The following C1orf21 variants were observed in gnomAD, a reference collection of about 807,000 sequenced individuals.
C1orf21 encodes uncharacterized protein C1orf21.
In C1orf21, 3 loss-of-function variants were observed where a neutral mutation model predicts 18.7. The ratio of observed to expected loss-of-function variants is 0.16; its 90% CI spans 0.07 to 0.42. The LOEUF (loss-of-function observed/expected upper bound fraction) is 0.42. C1orf21 is among the 10% of genes least tolerant of loss of function. The pLI, the probability that C1orf21 is intolerant of heterozygous loss-of-function variation, is 0.99. For missense variants in C1orf21, 104 were observed against 143.6 expected (o/e 0.72, Z 1.41); for synonymous variants, 41 against 46.4 (o/e 0.88, Z 0.47).
intron 1 of C1orf21, among the ~76,000 whole-genome samples, chr1:184,454,499 A>G (rs917035664): frequency 3.3e-5 from 5 of 152,146 alleles, no homozygotes; most frequent in Non-Finnish European, 7.4e-5. Context: ...TGTCCCCACC[A>G]AATCTCATGT....
rs1367462205 is a variant in C1orf21 at position 184,594,792 on chromosome 1, C to T, written c.267-3609C>T. 2.6e-5 allele frequency among the ~76,000 whole-genome samples: 4 copies of T among 152,318 alleles called. No homozygotes were observed. The East Asian group carries it at 7.7e-4, about 29-fold the overall frequency. ...TAAGCATATTTTAGGATGGCTTATTCTGCCAGGCTTCACAGGTGAGGTATT... is the reference window on the plus strand; with the variant it reads ...TAAGCATATTTTAGGATGGCTTATTTTGCCAGGCTTCACAGGTGAGGTATT... On this transcript the variant is annotated intron_variant, in intron 4 of 5. Coordinates refer to ENST00000235307, the MANE Select transcript of C1orf21 (RefSeq NM_030806.4).
intron 1 of C1orf21, among the ~76,000 whole-genome samples, chr1:184,414,897 G>T (rs1656424171): frequency 2.0e-5 from 3 of 152,154 alleles, no homozygotes; most frequent in South Asian, 2.1e-4. Context: ...TTACTTTTGT[G>T]TGGGGGGAAA....
intron 3 of C1orf21, among the ~76,000 whole-genome samples, chr1:184,550,275 AT>A (rs1558000558): frequency 6.6e-6 from 1 of 152,232 alleles, no homozygotes; most frequent in Admixed American, 6.5e-5. Context: ...GTTATTGTCT[AT>A]TTTTGAAAAC....
chr1:184,476,868 T>A (rs1420355020), intron 1 of C1orf21, among the ~76,000 whole-genome samples: 2 of 152,112 alleles, frequency 1.3e-5, no homozygotes, highest in South Asian at 2.1e-4. Context: ...CAGAAATGTA[T>A]AAAGTAGCCC....
At chr1:184,455,173 T>C (rs1289684602) in intron 1 of C1orf21, among the ~76,000 whole-genome samples, 3 of 152,168 alleles carry the variant, frequency 2.0e-5, no homozygotes, top group African/African-American at 7.2e-5. Context: ...CACGTTGCAG[T>C]GCTGTTTTGC....
chr1:184,618,014 A>G (rs535003590), intron 5 of C1orf21, among the ~76,000 whole-genome samples: 1 of 146,524 alleles, frequency 6.8e-6, no homozygotes, highest in East Asian at 2.1e-4. Context: ...GGTTCAAGCG[A>G]TTCTCCTGCC....
At chr1:184,512,844 G>A (rs1055881982) in intron 3 of C1orf21, among the ~76,000 whole-genome samples, 5 of 151,632 alleles carry the variant, frequency 3.3e-5, no homozygotes, top group Non-Finnish European at 7.4e-5. Context: ...CAGGCCACAC[G>A]GCAGGAGGTG....
chr1:184,584,611 C>A (rs1659328150), intron 3 of C1orf21, among the ~76,000 whole-genome samples: 1 of 152,222 alleles, frequency 6.6e-6, no homozygotes, highest in Non-Finnish European at 1.5e-5. Flanking sequence ...AAAAAGACTT[C>A]TATCTGAATG....
intron 3 of C1orf21, among the ~76,000 whole-genome samples, chr1:184,546,661 T>A (rs1658731830): frequency 6.6e-6 from 1 of 152,118 alleles, no homozygotes; most frequent in Admixed American, 6.5e-5. Flanking sequence ...AGCAGGGAGA[T>A]TTATAGGGTC....
At chr1:184,529,984 A>G (rs1248015081) in intron 3 of C1orf21, among the ~76,000 whole-genome samples, 1 of 152,162 alleles carries the variant, frequency 6.6e-6, no homozygotes. Context: ...ACTCTTTACC[A>G]TATCTTACTT....
At position 184,613,300 on chromosome 1, in the gene C1orf21, C is replaced by T. The variant is rs796607339; in HGVS notation, c.328-6218C>T. ...TAGTATATGTAGAGTTCAGTACTCT[C>T]TGAGGTTTCAGGCATCCACTGGTGA... On this transcript the variant is annotated intron_variant, in intron 5 of 5. Transcript: ENST00000235307. Among the ~76,000 whole-genome samples, 18 of 152,334 alleles carry T rather than the reference C, an allele frequency of 1.2e-4. 2 individuals carry two copies. Among genetic ancestry groups the T allele is most frequent in the African/African-American group, 4.1e-4 (17 of 41,572 alleles).
Position 184,603,071 on chromosome 1 carries a change from T to C in C1orf21, c.327+4610T>C, listed in dbSNP as rs1659605944. Among the ~76,000 whole-genome samples, 3 of 152,210 alleles carry C rather than the reference T, an allele frequency of 2.0e-5. No homozygotes were observed. The South Asian group carries it at 6.2e-4, about 32-fold the overall frequency. On this transcript the variant is annotated intron_variant, in intron 5 of 5. Coordinates refer to ENST00000235307, the MANE Select transcript of C1orf21 (RefSeq NM_030806.4). ...AAATCATATACACAAAACTTTTAAG[T>C]ATAATTTCTGGGTTTTAAGACTCCA...
rs1433249413 is a variant in C1orf21, at chr1:184,573,546, A to G, written c.190-17193A>G. 2.0e-5 allele frequency among the ~76,000 whole-genome samples: 3 copies of G among 152,352 alleles called. No homozygotes were observed. In the South Asian group the frequency reaches 6.2e-4, roughly 32 times the overall value. Reference sequence around the variant, plus strand: ...AAATAACTCCAAAAACGGTTTGTATATTTTATTTTCACATTGAAAGTCAGA... The same window carrying G: ...AAATAACTCCAAAAACGGTTTGTATGTTTTATTTTCACATTGAAAGTCAGA... On this transcript the variant is annotated intron_variant, in intron 3 of 5. Coordinates refer to ENST00000235307, the MANE Select transcript of C1orf21 (RefSeq NM_030806.4).
chr1:184,488,797 T>C (rs1308722863), intron 2 of C1orf21, among the ~76,000 whole-genome samples: 2 of 152,154 alleles, frequency 1.3e-5, no homozygotes, highest in Non-Finnish European at 2.9e-5. Flanking sequence ...AAATCCTGTC[T>C]CTACTAAAAT....
intron 1 of C1orf21, among the ~76,000 whole-genome samples, chr1:184,449,139 T>C (rs1233175340): frequency 1.3e-5 from 2 of 152,130 alleles, no homozygotes; most frequent in Non-Finnish European, 2.9e-5. Flanking sequence ...CATGTTGGTG[T>C]GCTGCACCCA....
chr1:184,554,743 A>G (rs898380913), intron 3 of C1orf21, among the ~76,000 whole-genome samples: 2 of 152,234 alleles, frequency 1.3e-5, no homozygotes, highest in Non-Finnish European at 2.9e-5. Context: ...AATTTACAGA[A>G]TAAAATCTAA....
chr1:184,460,754 C>T (rs1657296621), intron 1 of C1orf21, among the ~76,000 whole-genome samples: 2 of 142,616 alleles, frequency 1.4e-5, no homozygotes, highest in African/African-American at 5.3e-5. Context: ...ATTATGTTGC[C>T]CAGGCTGGTC....
chr1:184,434,415 C>G (rs1656826208), intron 1 of C1orf21, among the ~76,000 whole-genome samples: 4 of 152,116 alleles, frequency 2.6e-5, no homozygotes, highest in Admixed American at 2.6e-4. Flanking sequence ...TGTGTATTGG[C>G]CACCAAGTGC....
chr1:184,393,000 G>T (rs754364442), intron 1 of C1orf21, among the ~76,000 whole-genome samples: 1 of 151,536 alleles, frequency 6.6e-6, no homozygotes, highest in Non-Finnish European at 1.5e-5. Context: ...GAGAGTTTTT[G>T]TGTTTTTTTC....
Sources: allele counts gnomAD v4.1 joint callset (sites outside exome capture counted in the v4.1 genomes callset), GRCh38; gene constraint gnomAD v4.1.1; transcripts MANE v1.5; gene names NCBI Gene and HGNC (gene_info 2026-07-23, HGNC 2026-07-21).